ZNG1C: variants seen among roughly 807,000 people sequenced by gnomAD.
ZNG1C encodes the protein Zn regulated GTPase metalloprotein activator 1C, also known as zinc-regulated GTPase metalloprotein activator 1C.
At chr9:68,284,968 C>A in the ZNG1C span, among the ~76,000 whole-genome samples, 3 of 149,698 alleles carry the variant, frequency 2.0e-5, no homozygotes, top group Non-Finnish European at 3.0e-5. Flanking sequence ...AAATACTGAA[C>A]ATATGGGAAA....
chr9:68,299,266 T>C, the ZNG1C span: 5 of 1,500,350 alleles, frequency 3.3e-6, no homozygotes, highest in Non-Finnish European at 4.4e-6. Context: ...TTGTTAGGAC[T>C]TTTGTTCTTC....
At chr9:68,270,750 G>T in the ZNG1C span, 1 of 401,124 alleles carries the variant, frequency 2.5e-6, no homozygotes, top group Non-Finnish European at 3.4e-6. Context: ...GAGGCTGGTG[G>T]TGGGCGCCTG....
the ZNG1C span, chr9:68,299,125 A>G: frequency 2.5e-6 from 4 of 1,607,956 alleles, no homozygotes; most frequent in Admixed American, 6.7e-5. Context: ...GTTTTGAAAC[A>G]AAGTGAAAAA....
At chr9:68,266,967 G>A in the ZNG1C span, among the ~76,000 whole-genome samples, 1 of 152,138 alleles carries the variant, frequency 6.6e-6, no homozygotes, top group African/African-American at 2.4e-5. Context: ...TTTGCTGACT[G>A]TTCTGGAGAC....
chr9:68,257,337 C>T, the ZNG1C span, among the ~76,000 whole-genome samples: 6 of 127,686 alleles, frequency 4.7e-5, no homozygotes, highest in African/African-American at 1.8e-4. Context: ...CACACCCTGC[C>T]TCTTTTGTTT....
At chr9:68,256,111 A>G in the ZNG1C span, among the ~76,000 whole-genome samples, 2 of 152,292 alleles carry the variant, frequency 1.3e-5, no homozygotes, top group Admixed American at 6.5e-5. Flanking sequence ...TTGTCAGAGC[A>G]GGTGGACAGC....
At chr9:68,286,932 A>C in the ZNG1C span, among the ~76,000 whole-genome samples, 3 of 100,886 alleles carry the variant, frequency 3.0e-5, no homozygotes, top group Non-Finnish European at 6.3e-5. Context: ...AAAAAAAAAA[A>C]AAACTCAGTT....
the ZNG1C span, among the ~76,000 whole-genome samples, chr9:68,264,821 T>TTATATATATATA: frequency 5.6e-4 from 14 of 24,934 alleles, no homozygotes; most frequent in African/African-American, 1.6e-3. Context: ...GGATTGAAGA[T>TTATATATATATA]TATATATATA....
chr9:68,265,043 A>ATTTAT, the ZNG1C span, among the ~76,000 whole-genome samples: 248 of 97,962 alleles, frequency 2.5e-3, 3 homozygotes, highest in African/African-American at 7.4e-3. Flanking sequence ...TTTTTATTTT[A>ATTTAT]TTTATTTTAT....
the ZNG1C span, among the ~76,000 whole-genome samples, chr9:68,275,963 CTGT>C: frequency 6.7e-6 from 1 of 150,222 alleles, no homozygotes; most frequent in African/African-American, 2.4e-5. Context: ...TCTCCAGCAC[CTGT>C]TGTTTCCTGA....
the ZNG1C span, among the ~76,000 whole-genome samples, chr9:68,297,266 C>G: frequency 1.4e-5 from 2 of 147,886 alleles, no homozygotes; most frequent in East Asian, 3.9e-4. Flanking sequence ...TACATATATT[C>G]TTATTCCTGA....
At chr9:68,294,034 C>A in the ZNG1C span, among the ~76,000 whole-genome samples, 2 of 151,752 alleles carry the variant, frequency 1.3e-5, no homozygotes, top group Non-Finnish European at 2.9e-5. Context: ...CAAAAGGAAC[C>A]TTCAAAACCA....
chr9:68,267,470 TCTTCTTAGGGAG>T, the ZNG1C span, among the ~76,000 whole-genome samples: 1 of 112,192 alleles, frequency 8.9e-6, no homozygotes. Context: ...TTTCTCATTG[TCTTCTTAGGGAG>T]CTTATTTACC....
At chr9:68,254,546 C>T in the ZNG1C span, 1 of 152,194 alleles carries the variant, frequency 6.6e-6, no homozygotes, top group Non-Finnish European at 1.5e-5. Context: ...TATGGGAGAA[C>T]TTCTATGTGG....
the ZNG1C span, chr9:68,274,473 TATATC>T: frequency 6.1e-6 from 1 of 164,938 alleles, no homozygotes; most frequent in South Asian, 1.4e-4. Context: ...TATTACATGT[TATATC>T]AAGGGAGGGG....
At chr9:68,281,097 T>A in the ZNG1C span, among the ~76,000 whole-genome samples, 1 of 141,040 alleles carries the variant, frequency 7.1e-6, no homozygotes, top group Admixed American at 7.2e-5. Flanking sequence ...TGACCCAATC[T>A]TACAGGTGCA....
At chr9:68,276,139 T>G in the ZNG1C span, among the ~76,000 whole-genome samples, 1 of 144,860 alleles carries the variant, frequency 6.9e-6, no homozygotes, top group African/African-American at 2.6e-5. Flanking sequence ...TCGCCCACTT[T>G]TTGATGGGGT....
At chr9:68,262,898 AT>A in the ZNG1C span, among the ~76,000 whole-genome samples, 1 of 139,562 alleles carries the variant, frequency 7.2e-6, no homozygotes, top group Non-Finnish European at 1.5e-5. Context: ...TATGAAAAAA[AT>A]ATTAAACTTG....
chr9:68,267,308 AT>A, the ZNG1C span, among the ~76,000 whole-genome samples: 1 of 149,286 alleles, frequency 6.7e-6, no homozygotes, highest in Admixed American at 6.7e-5. Context: ...AGAAATTCAT[AT>A]TTTTTCCACA....
Sources: gnomAD v4.1 joint callset for allele counts (sites outside exome capture counted in the v4.1 genomes callset) on GRCh38, gnomAD v4.1.1 for gene constraint, MANE v1.5 for transcripts, NCBI Gene and HGNC (gene_info 2026-07-23, HGNC 2026-07-21) for gene names.